The following ZNF362 variants were observed in gnomAD, a reference collection of about 807,000 sequenced individuals.
ZNF362 encodes the protein zinc finger protein 362.
ZNF362 carries 11 observed loss-of-function variants against 42.9 expected under a neutral mutation model. That is an observed-to-expected ratio of 0.26 (90% confidence interval 0.16 to 0.42). The LOEUF is 0.42. ZNF362 is among the 20% of genes least tolerant of loss of function. The pLI is 1.00. For missense variants in ZNF362, 362 were observed against 576.2 expected (o/e 0.63, Z 3.81); for synonymous variants, 255 against 257.3 (o/e 0.99, Z 0.09).
the ZNF362 span, among the ~76,000 whole-genome samples, chr1:33,189,655 ATATATATATATATATATG>A: frequency 8.6e-5 from 2 of 23,336 alleles, no homozygotes; most frequent in African/African-American, 1.6e-4. Flanking sequence ...ATATATATAT[ATATATATATATATATATG>A]TATATATATA....
At chr1:33,228,002 T>C in the ZNF362 span, among the ~76,000 whole-genome samples, 1 of 152,172 alleles carries the variant, frequency 6.6e-6, no homozygotes, top group Non-Finnish European at 1.5e-5. Flanking sequence ...TGAAAAGGGC[T>C]CAGGTTTATG....
chr1:33,143,823 G>A, the ZNF362 span, among the ~76,000 whole-genome samples: 1 of 152,250 alleles, frequency 6.6e-6, no homozygotes, highest in Non-Finnish European at 1.5e-5. Context: ...TGGCCTGGGA[G>A]ACACAGTAGC....
chr1:33,208,266 C>T, the ZNF362 span, among the ~76,000 whole-genome samples: 1 of 152,192 alleles, frequency 6.6e-6, no homozygotes. Flanking sequence ...TCTGTGGCCT[C>T]TGTTCTGTTC....
the ZNF362 span, among the ~76,000 whole-genome samples, chr1:33,133,139 C>T: frequency 6.6e-6 from 1 of 152,184 alleles, no homozygotes; most frequent in African/African-American, 2.4e-5. Flanking sequence ...CTTACAGTTA[C>T]AGTTACAGGG....
chr1:33,289,093 C>T (rs946154622), intron 6 of ZNF362, among the ~76,000 whole-genome samples: 1 of 152,088 alleles, frequency 6.6e-6, no homozygotes, highest in African/African-American at 2.4e-5. Context: ...GTGGAAACTT[C>T]CTTGAGAGAG....
the ZNF362 span, chr1:33,181,471 G>A: frequency 3.2e-6 from 5 of 1,543,186 alleles, no homozygotes; most frequent in Non-Finnish European, 3.5e-6. This position sits in a 1 kb window ranked among gnomAD's most constrained non-coding sequence, Gnocchi z 6.5. Context: ...CGAGGGGCAG[G>A]GGGGCGGCTG....
chr1:33,188,103 G>C, the ZNF362 span, among the ~76,000 whole-genome samples: 1 of 151,920 alleles, frequency 6.6e-6, no homozygotes, highest in Non-Finnish European at 1.5e-5. Context: ...GGGTGGTGGC[G>C]GGTGCCTGTA....
At chr1:33,288,727 G>C (rs1201820567) in intron 6 of ZNF362, among the ~76,000 whole-genome samples, 3 of 69,610 alleles carry the variant, frequency 4.3e-5, no homozygotes, top group Non-Finnish European at 2.9e-5. Context: ...CTCGGCGATA[G>C]AGCGAGACTC....
chr1:33,230,985 C>A, the ZNF362 span, among the ~76,000 whole-genome samples: 1 of 152,210 alleles, frequency 6.6e-6, no homozygotes, highest in African/African-American at 2.4e-5. Context: ...GACTGAAAAT[C>A]TCTAACCCAA....
chr1:33,275,795 T>C (rs1645940341), intron 2 of ZNF362, among the ~76,000 whole-genome samples: 1 of 151,220 alleles, frequency 6.6e-6, no homozygotes, highest in African/African-American at 2.4e-5. Context: ...GGATGGAGAT[T>C]GGTTGGCCAG....
intron 8 of ZNF362, among the ~76,000 whole-genome samples, chr1:33,296,210 T>G (rs1471418261): frequency 1.3e-5 from 2 of 152,148 alleles, no homozygotes; most frequent in African/African-American, 2.4e-5. Context: ...CTGTGGGCGC[T>G]GGCCTGCACG....
chr1:33,283,597 A>G (rs1052324825), intron 6 of ZNF362, among the ~76,000 whole-genome samples: 6 of 152,116 alleles, frequency 3.9e-5, no homozygotes, highest in African/African-American at 1.4e-4. Flanking sequence ...GCTACTTGGG[A>G]GGCTGAGGTG....
chr1:33,204,687 G>A, the ZNF362 span, among the ~76,000 whole-genome samples: 152 of 152,192 alleles, frequency 1.0e-3, 2 homozygotes, highest in African/African-American at 3.5e-3. Context: ...CATACTTCAT[G>A]GTGAAAGACT....
chr1:33,281,851 G>C lies in ZNF362; in HGVS notation c.908+40G>C, dbSNP rs1224975384. The C allele has an allele frequency of 1.4e-5, 22 of 1,603,412 alleles. No individual in the cohort carries two copies. Among genetic ancestry groups the C allele is most frequent in the South Asian group, 3.3e-5 (3 of 90,710 alleles). ...TGCTGCCCTGCTGCAGCCCGACTCA[G>C]CTCAGCACCCGTGGCCTGGCACATG... is the stretch of plus-strand genomic sequence containing the variant. On this transcript the variant is annotated intron_variant, in intron 6 of 8. Transcript: ENST00000539719. The surrounding 1 kb of genome is among the most constrained non-coding windows in gnomAD (Gnocchi z 4.8).
At chr1:33,177,032 TACACATGCACACACACACGCACACACAC>T in the ZNF362 span, among the ~76,000 whole-genome samples, 1 of 105,642 alleles carries the variant, frequency 9.5e-6, no homozygotes, top group African/African-American at 3.8e-5. This position sits in a 1 kb window ranked among gnomAD's most constrained non-coding sequence, Gnocchi z 4.1. Flanking sequence ...CCAACACACA[TACACATGCACACACACACGCACACACAC>T]ACACATGCAC....
At chr1:33,256,913 CGTGTGTGTGTGTGCGCGCGCGTGT>C (rs1557784589) in intron 1 of ZNF362, among the ~76,000 whole-genome samples, 1 of 149,636 alleles carries the variant, frequency 6.7e-6, no homozygotes, top group Non-Finnish European at 1.5e-5. Flanking sequence ...AGTGTGTGTG[CGTGTGTGTGTGTGCGCGCGCGTGT>C]GTGTGTGTTT....
At position 33,270,505 on chromosome 1, in the gene ZNF362, A is replaced by G; in HGVS notation, c.-70A>G. 1 of 857,214 alleles carries G rather than the reference A, an allele frequency of 1.2e-6. No homozygotes were observed. Among genetic ancestry groups the G allele is most frequent in the East Asian group, 2.4e-5 (1 of 41,214 alleles). The allele number at this position is 857,214 out of a possible 1,614,324, so 53.1% of individuals were successfully genotyped here. ...ATACAAGGTGCTGTTGGGAACACAG[A>G]GGAAGTGACTGGCTGGGGGTTCAGG... is the stretch of plus-strand genomic sequence containing the variant. On this transcript the variant is annotated 5_prime_UTR_variant, in exon 2 of 9. Coordinates refer to ENST00000539719, the MANE Select transcript of ZNF362 (RefSeq NM_152493.3).
At chr1:33,185,296 A>G in the ZNF362 span, among the ~76,000 whole-genome samples, 4 of 151,642 alleles carry the variant, frequency 2.6e-5, no homozygotes, top group African/African-American at 9.7e-5. Context: ...ATCTTGGCTC[A>G]CTGCAACCTC....
At chr1:33,265,508 G>A (rs995592612) in intron 1 of ZNF362, among the ~76,000 whole-genome samples, 1 of 152,194 alleles carries the variant, frequency 6.6e-6, no homozygotes, top group Non-Finnish European at 1.5e-5. Flanking sequence ...CTTTCCTTCC[G>A]GGGAAGGAAG....
Sources: allele counts gnomAD v4.1 joint callset (sites outside exome capture counted in the v4.1 genomes callset), GRCh38; gene constraint gnomAD v4.1.1; non-coding constraint Gnocchi (gnomAD v3.1); transcripts MANE v1.5; gene names NCBI Gene and HGNC (gene_info 2026-07-23, HGNC 2026-07-21).